Variants in VPS37B observed in about 807,000 individuals in gnomAD.
The protein encoded by VPS37B is vacuolar protein sorting-associated protein 37B.
A neutral mutation model predicts 21.2 loss-of-function variants in VPS37B; 11 were observed. That is an observed-to-expected ratio of 0.52 (90% CI 0.33 to 0.86). VPS37B has a LOEUF of 0.86. Ranked by LOEUF, VPS37B falls within the 40% of genes least tolerant of loss-of-function variation. The pLI, the probability that VPS37B is intolerant of heterozygous loss-of-function variation, is 0.03. For synonymous variants in VPS37B, 175 were observed against 159.6 expected (o/e 1.10, Z -0.73); for missense variants, 389 against 374.8 (o/e 1.04, Z -0.31).
At position 122,870,970 on chromosome 12, in the gene VPS37B, G is replaced by A. The variant is rs754071718; in HGVS notation, c.203C>T (p.Thr68Met). The A allele has an allele frequency of 1.7e-5, 27 of 1,614,062 alleles. No individual in the cohort carries two copies. Among genetic ancestry groups the A allele is most frequent in the Non-Finnish European group, 2.1e-5 (25 of 1,180,050 alleles). Residue 68 changes from threonine to methionine, a missense_variant, in exon 2 of 4, where the codon ACG becomes ATG. Thr to Met is a moderately conservative substitution (Grantham distance 81). Coordinates refer to ENST00000267202, the MANE Select transcript of VPS37B (RefSeq NM_024667.3). ...GNLLYQPQLDTLKARLTQKYQ... is the reference protein window; with the variant it reads ...GNLLYQPQLDMLKARLTQKYQ... Reference sequence around the variant, plus strand: ...TTTCTGGGTCAAGCGTGCTTTCAACGTGTCCAGCTGGGGCTGGTACAAAAG... The same window carrying A: ...TTTCTGGGTCAAGCGTGCTTTCAACATGTCCAGCTGGGGCTGGTACAAAAG...
In VPS37B at chr12:122,867,714, C is replaced by A. The variant is rs2135694132; in HGVS notation, c.367-107G>T. ...ACGCCCAGCTGCTTCCAACACTGCC[C>A]CCTCCCTGTAACCACCCAGAGGGCC... On this transcript the variant is annotated intron_variant, in intron 3 of 3. Transcript: ENST00000267202. The surrounding 1 kb of genome is among the most constrained non-coding windows in gnomAD (Gnocchi z 5.5). 6.7e-7 allele frequency: 1 copy of A among 1,488,650 alleles called. No individual in the cohort carries two copies. Among genetic ancestry groups the A allele is most frequent in the East Asian group, 2.3e-5 (1 of 43,458 alleles). The allele number at this position is 1,488,650 out of a possible 1,614,324, so 92.2% of individuals were successfully genotyped here. A position where few individuals can be genotyped will look rare whatever the true frequency, so the allele number is the denominator to read the frequency against.
chr12:122,891,607 C>T (rs548453638), intron 1 of VPS37B, among the ~76,000 whole-genome samples: 8 of 152,268 alleles, frequency 5.3e-5, no homozygotes, highest in Admixed American at 3.9e-4. Context: ...AGCCTTTACA[C>T]GTACATAATG....
rs754266578 is a variant in VPS37B, at chr12:122,867,335, C to T, written c.639G>A (p.Pro213=). 1.9e-4 allele frequency: 72 copies of T among 386,186 alleles called. No homozygotes were observed. The highest frequency in any genetic ancestry group is 1.3e-3 in the East Asian group (21 of 16,256). 23.9% of individuals were successfully genotyped at this position (386,186 alleles called of 1,614,324 possible). ...GGGTGGCTAAGCGTCCCGCAGGCAC[C>T]GGGGGTGGTGGGGGGGGGATGCGCC... The part of the protein sequence containing the change: ...APRRIPPPPP[P]VPAGRLATPF... The change falls in exon 4 of 4, where the codon CCG becomes CCA. Residue 213 remains proline (P), a synonymous_variant. Transcript: ENST00000267202. This position sits in a 1 kb window ranked among gnomAD's most constrained non-coding sequence, Gnocchi z 5.5.
In VPS37B at chr12:122,867,311, G is replaced by C; in HGVS notation, c.663C>G (p.Thr221=). Residue 221 remains threonine (T), a synonymous_variant, in exon 4 of 4, where the codon ACC becomes ACG. Coordinates refer to ENST00000267202, the MANE Select transcript of VPS37B (RefSeq NM_024667.3). This position sits in a 1 kb window ranked among gnomAD's most constrained non-coding sequence, Gnocchi z 5.5. ...PPPVPAGRLA[T]PFTAAMSSGQ... ...CCGAACTCATGGCCGCAGTAAACGG[G>C]GTGGCTAAGCGTCCCGCAGGCACCG... 6.3e-7 allele frequency: 1 copy of C among 1,586,604 alleles called. No homozygotes were observed.
intron 2 of VPS37B, 152 bp downstream of exon 2, chr12:122,870,738 A>C (rs2135698591): frequency 1.3e-6 from 1 of 765,788 alleles, no homozygotes; most frequent in East Asian, 2.9e-5. Flanking sequence ...AAAATAAATA[A>C]ATAATATACA....
chr12:122,883,101 G>A (rs756694328), intron 1 of VPS37B: 4 of 152,196 alleles, frequency 2.6e-5, no homozygotes, highest in African/African-American at 7.2e-5. Context: ...AGCCCACTCA[G>A]GAAGGAAACT....
At position 122,888,264 on chromosome 12, in the gene VPS37B, G is replaced by A. The variant is rs554081654; in HGVS notation, c.111+7688C>T. The A allele has an allele frequency of 1.1e-5, 3 of 281,834 alleles. No individual in the cohort carries two copies. In the Admixed American group the frequency reaches 1.4e-4, roughly 13 times the overall value. 17.5% of individuals were successfully genotyped at this position (281,834 alleles called of 1,614,324 possible). A position where few individuals can be genotyped will look rare whatever the true frequency, so the allele number is the denominator to read the frequency against. On this transcript the variant is annotated intron_variant, in intron 1 of 3. Coordinates refer to ENST00000267202, the MANE Select transcript of VPS37B (RefSeq NM_024667.3). Reference sequence around the variant, plus strand: ...AAGCCTTCCCTTGACACACTGTAACGTATTCTAGAGACAACAAAGCTAAGC... The same window carrying A: ...AAGCCTTCCCTTGACACACTGTAACATATTCTAGAGACAACAAAGCTAAGC...
At chr12:122,889,905 G>C (rs1040465201) in intron 1 of VPS37B, 1 of 152,152 alleles carries the variant, frequency 6.6e-6, no homozygotes, top group Non-Finnish European at 1.5e-5. Flanking sequence ...CAAAGTAGAC[G>C]AGAACTCGCT....
At position 122,868,462 on chromosome 12, in the gene VPS37B, A is replaced by G. The variant is rs1186622699; in HGVS notation, c.366+18T>C. ...CCCAAAGCGCCCCAAGGATTCCACC[A>G]AGGCTGGTGGGCTTTACCTCAGTGT... On this transcript the variant is annotated intron_variant, in intron 3 of 3. Transcript: ENST00000267202. This position sits in a 1 kb window ranked among gnomAD's most constrained non-coding sequence, Gnocchi z 5.5. 1 of 1,610,504 alleles carries G rather than the reference A, an allele frequency of 6.2e-7. No homozygotes were observed. The highest frequency in any genetic ancestry group is 8.5e-7 in the Non-Finnish European group (1 of 1,178,828).
Position 122,865,623 on chromosome 12 carries a change from T to TA in VPS37B, c.*1492dup. 6.6e-6 allele frequency: 1 copy of TA among 152,330 alleles called. No homozygotes were observed. The highest frequency in any genetic ancestry group is 1.9e-4 in the East Asian group (1 of 5,178). The allele number at this position is 152,330 out of a possible 1,614,324, so 9.4% of individuals were successfully genotyped here. A position where few individuals can be genotyped will look rare whatever the true frequency, so the allele number is the denominator to read the frequency against. On this transcript the variant is annotated 3_prime_UTR_variant, in exon 4 of 4. Transcript: ENST00000267202. Reference sequence around the variant, plus strand: ...GCTTCATTTCCTTTAAGAAAACAGTTACAGTAGAGTTCAAGTCCGAGAGCA... The same window carrying TA: ...GCTTCATTTCCTTTAAGAAAACAGTTAACAGTAGAGTTCAAGTCCGAGAGCA...
chr12:122,876,721 A>G (rs2034156158), intron 1 of VPS37B: 1 of 149,358 alleles, frequency 6.7e-6, no homozygotes, highest in South Asian at 2.1e-4. Flanking sequence ...CAGAAAGAGA[A>G]AAAAAAAAAA....
chr12:122,896,074 G>GGCC lies in VPS37B; in HGVS notation c.-15_-13dup, dbSNP rs1331461275. On this transcript the variant is annotated 5_prime_UTR_variant, in exon 1 of 4. Transcript: ENST00000267202. ...CCGGCGCCCGCCATCCCCACGTCTC[G>GGCC]GCCGTCGTCGCCACCGCCGCTGCGG... 3.2e-6 allele frequency: 5 copies of GGCC among 1,563,406 alleles called. No homozygotes were observed. The highest frequency in any genetic ancestry group is 4.3e-6 in the Non-Finnish European group (5 of 1,162,654).
At chr12:122,887,065 T>C (rs943521075) in intron 1 of VPS37B, 1 of 152,216 alleles carries the variant, frequency 6.6e-6, no homozygotes, top group Non-Finnish European at 1.5e-5. Context: ...CACTGGCAGA[T>C]AAACCACATG....
intron 1 of VPS37B, chr12:122,871,641 T>G (rs1383356317): frequency 2.3e-5 from 23 of 985,214 alleles, no homozygotes; most frequent in Admixed American, 1.2e-4. Context: ...TCCTAGCTGT[T>G]GGTGGGTGAG....
chr12:122,866,153 G>A lies in VPS37B; in HGVS notation c.*963C>T, dbSNP rs1593900295. 3 of 152,802 alleles carry A rather than the reference G, an allele frequency of 2.0e-5. No homozygotes were observed. The highest frequency in any genetic ancestry group is 3.9e-4 in the East Asian group (2 of 5,186). 9.5% of individuals were successfully genotyped at this position (152,802 alleles called of 1,614,324 possible). On this transcript the variant is annotated 3_prime_UTR_variant, in exon 4 of 4. Coordinates refer to ENST00000267202, the MANE Select transcript of VPS37B (RefSeq NM_024667.3). ...GGGCCTTGCCCAGCCCCTAGCAGGTGTGAGTCCCGGCACCTGGGGAAGCTA... is the reference window on the plus strand; with the variant it reads ...GGGCCTTGCCCAGCCCCTAGCAGGTATGAGTCCCGGCACCTGGGGAAGCTA...
chr12:122,872,836 G>C (rs915960566), intron 1 of VPS37B: 6 of 328,230 alleles, frequency 1.8e-5, no homozygotes, highest in Non-Finnish European at 2.6e-5. Flanking sequence ...GGACTGTTGA[G>C]AGCAACATTT....
intron 1 of VPS37B, chr12:122,872,440 CTAAAG>C (rs2034057371): frequency 1.0e-6 from 1 of 985,464 alleles, no homozygotes; most frequent in Non-Finnish European, 1.2e-6. Flanking sequence ...TCTCCCAACT[CTAAAG>C]TAAAAGCTAG....
intron 1 of VPS37B, among the ~76,000 whole-genome samples, chr12:122,895,097 C>G (rs2034471303): frequency 6.6e-6 from 1 of 152,108 alleles, no homozygotes; most frequent in Non-Finnish European, 1.5e-5. Flanking sequence ...AGAAGTCAGA[C>G]TCCAGGGGCA....
At chr12:122,883,305 G>C (rs1444430497) in intron 1 of VPS37B, 2 of 152,188 alleles carry the variant, frequency 1.3e-5, no homozygotes, top group Non-Finnish European at 2.9e-5. Context: ...ATATGTAGCT[G>C]ACGTGAATCT....
Sources: allele counts gnomAD v4.1 joint callset (sites outside exome capture counted in the v4.1 genomes callset), GRCh38; gene constraint gnomAD v4.1.1; non-coding constraint Gnocchi (gnomAD v3.1); transcripts MANE v1.5; gene names NCBI Gene and HGNC (gene_info 2026-07-23, HGNC 2026-07-21).